Variants in PSD3 observed in about 807,000 individuals in gnomAD.
PSD3 encodes pleckstrin and Sec7 domain containing 3.
PSD3 carries 49 observed loss-of-function variants against 105.5 expected under a neutral mutation model. That is an observed-to-expected ratio of 0.46 (90% confidence interval 0.37 to 0.59). The LOEUF (loss-of-function observed/expected upper bound fraction) is 0.59. PSD3 is among the 20% of genes least tolerant of loss of function. The pLI is 0.00. For missense variants in PSD3, 1,561 were observed against 1,263.8 expected (o/e 1.24, Z -3.57); for synonymous variants, 557 against 457.8 (o/e 1.22, Z -2.77).
At chr8:18,564,855 A>C (rs1190803479) in intron 14 of PSD3, among the ~76,000 whole-genome samples, 1 of 152,162 alleles carries the variant, frequency 6.6e-6, no homozygotes, top group Middle Eastern at 3.2e-3. Flanking sequence ...CTTCAGCGTG[A>C]GAATCAAGCA....
chr8:18,669,570 C>A (rs924247418), intron 9 of PSD3, among the ~76,000 whole-genome samples: 1 of 152,198 alleles, frequency 6.6e-6, no homozygotes, highest in Non-Finnish European at 1.5e-5. Context: ...CAGGGAGCAT[C>A]CACAGTGGGG....
intron 9 of PSD3, among the ~76,000 whole-genome samples, chr8:18,760,880 C>T (rs1373629929): frequency 6.6e-6 from 1 of 152,188 alleles, no homozygotes; most frequent in South Asian, 2.1e-4. Context: ...AGACCAACGC[C>T]TCTCCATTAG....
intron 10 of PSD3, among the ~76,000 whole-genome samples, chr8:18,642,137 C>T (rs1210659863): frequency 6.6e-6 from 1 of 152,060 alleles, no homozygotes; most frequent in East Asian, 1.9e-4. Flanking sequence ...AAGGATCTGA[C>T]CATATGTACA....
intron 12 of PSD3, among the ~76,000 whole-genome samples, chr8:18,587,951 A>C (rs569052091): frequency 1.2e-3 from 187 of 152,290 alleles, no homozygotes; most frequent in African/African-American, 4.3e-3. Context: ...GCTTCCAACC[A>C]GGGGGACGGA....
At chr8:18,894,657 G>A (rs1819022240) in intron 2 of PSD3, among the ~76,000 whole-genome samples, 1 of 151,994 alleles carries the variant, frequency 6.6e-6, no homozygotes, top group African/African-American at 2.4e-5. Flanking sequence ...TTAACCCCAA[G>A]AATAAAGAAA....
chr8:18,910,153 G>C (rs533423279), intron 2 of PSD3, among the ~76,000 whole-genome samples: 10 of 151,912 alleles, frequency 6.6e-5, no homozygotes, highest in African/African-American at 2.2e-4. Flanking sequence ...ACCCAAATGA[G>C]TATAAATCAT....
Position 18,999,569 on chromosome 8 carries a change from T to C in PSD3, c.21+13994A>G, listed in dbSNP as rs574006406. Among the ~76,000 whole-genome samples, 8 of 152,028 alleles carry C rather than the reference T, an allele frequency of 5.3e-5. 1 individual carries two copies. The highest frequency in any genetic ancestry group is 1.9e-4 in the African/African-American group (8 of 41,456). ...ATAAGCATAATGAGAGAGAGAGGTG[T>C]ATTGCTAAATGGAATGCTTTAGAAA... On this transcript the variant is annotated intron_variant, in intron 1 of 15. Coordinates refer to ENST00000327040, the MANE Select transcript of PSD3 (RefSeq NM_015310.4).
At chr8:18,801,576 TAAA>T (rs1810693015) in intron 6 of PSD3, among the ~76,000 whole-genome samples, 194 bp from the exon 7 acceptor site, 1 of 152,058 alleles carries the variant, frequency 6.6e-6, no homozygotes, top group African/African-American at 2.4e-5. Flanking sequence ...TTAAATTCTA[TAAA>T]AAGCACTGTG....
intron 12 of PSD3, among the ~76,000 whole-genome samples, chr8:18,575,575 G>A (rs1393711898): frequency 2.0e-5 from 3 of 152,054 alleles, no homozygotes; most frequent in East Asian, 3.9e-4. Flanking sequence ...TAAGGCCAAA[G>A]GCAGAAATAA....
At chr8:18,921,459 A>G (rs1426507783) in intron 2 of PSD3, among the ~76,000 whole-genome samples, 1 of 152,216 alleles carries the variant, frequency 6.6e-6, no homozygotes. Flanking sequence ...GGTTAAGTAG[A>G]GCCTAGGAAG....
chr8:18,929,958 G>T (rs1000251831), intron 2 of PSD3, among the ~76,000 whole-genome samples: 1 of 152,114 alleles, frequency 6.6e-6, no homozygotes, highest in Non-Finnish European at 1.5e-5. Context: ...AATGTTGTTA[G>T]AAAGAGTGGA....
intron 9 of PSD3, among the ~76,000 whole-genome samples, chr8:18,684,429 G>A (rs1043637078): frequency 2.6e-5 from 4 of 152,142 alleles, no homozygotes; most frequent in African/African-American, 4.8e-5. Context: ...ACCATGTGGG[G>A]TGGGAACGTA....
At chr8:18,588,330 G>C (rs999083346) in intron 12 of PSD3, among the ~76,000 whole-genome samples, 2 of 152,168 alleles carry the variant, frequency 1.3e-5, no homozygotes, top group African/African-American at 4.8e-5. Context: ...TGAAGTTTAA[G>C]CTTCCATTGA....
rs568934916 is a variant in PSD3 at position 18,641,056 on chromosome 8, A to G, written c.2217-8250T>C. Among the ~76,000 whole-genome samples, 4 of 152,300 alleles carry G rather than the reference A, an allele frequency of 2.6e-5. No homozygotes were observed. The South Asian group carries it at 8.3e-4, about 32-fold the overall frequency. Reference sequence around the variant, plus strand: ...TTTCTGCAGGTGCCTTGCACTCTGCATTACACAGCAGAGGCTTGACTTCAT... The same window carrying G: ...TTTCTGCAGGTGCCTTGCACTCTGCGTTACACAGCAGAGGCTTGACTTCAT... On this transcript the variant is annotated intron_variant, in intron 10 of 15. Transcript: ENST00000327040.
chr8:18,675,638 C>T (rs1294617839), intron 9 of PSD3, among the ~76,000 whole-genome samples: 1 of 152,070 alleles, frequency 6.6e-6, no homozygotes, highest in Non-Finnish European at 1.5e-5. Context: ...CCACCGATAT[C>T]AGGTGATCTA....
chr8:18,747,683 G>A (rs943305978), intron 9 of PSD3, among the ~76,000 whole-genome samples: 4 of 152,128 alleles, frequency 2.6e-5, no homozygotes, highest in East Asian at 1.9e-4. Context: ...CACATGGTAA[G>A]GAAGGTAGTG....
At chr8:18,752,566 T>TCA (rs1563225478) in intron 9 of PSD3, among the ~76,000 whole-genome samples, 847 of 76,242 alleles carry the variant, frequency 0.011, 52 homozygotes, top group African/African-American at 0.068. Context: ...TTATATATAT[T>TCA]ATATATATAA....
At chr8:19,041,923 C>T (rs963006842) in intron 1 of PSD3, among the ~76,000 whole-genome samples, 8 of 151,980 alleles carry the variant, frequency 5.3e-5, no homozygotes, top group African/African-American at 1.7e-4. Context: ...GGAGACAAGA[C>T]GAAAGACACA....
chr8:18,897,315 C>A (rs1013140923), intron 2 of PSD3, among the ~76,000 whole-genome samples: 6 of 152,026 alleles, frequency 3.9e-5, no homozygotes, highest in African/African-American at 1.4e-4. Flanking sequence ...GAAAATGAGT[C>A]GGCTATAAAG....
Sources: allele counts gnomAD v4.1 joint callset (sites outside exome capture counted in the v4.1 genomes callset), GRCh38; gene constraint gnomAD v4.1.1; transcripts MANE v1.5; gene names NCBI Gene and HGNC (gene_info 2026-07-23, HGNC 2026-07-21).